WNK2: variants seen among roughly 807,000 people sequenced by gnomAD.
WNK2 encodes the protein serine/threonine-protein kinase WNK2.
A neutral mutation model predicts 192.1 loss-of-function variants in WNK2; 67 were observed. That is an observed-to-expected ratio of 0.35 (90% CI 0.29 to 0.43). The LOEUF (loss-of-function observed/expected upper bound fraction) is 0.43, where lower values mean the gene tolerates loss of function less well. WNK2 is among the 20% of genes least tolerant of loss of function. The probability of loss-of-function intolerance (pLI) is 1.00; values close to 1 mark genes in which losing one functional copy is unlikely to be tolerated. For missense variants in WNK2, 2,698 were observed against 3,089.7 expected (o/e 0.87, Z 3.01); for synonymous variants, 1,439 against 1,393.9 (o/e 1.03, Z -0.72).
chr9:93,230,520 C>T (rs12348559), intron 3 of WNK2, among the ~76,000 whole-genome samples: 33,392 of 152,180 alleles, frequency 0.22, 4,138 homozygotes, highest in African/African-American at 0.34. Context: ...CCTGGCCTTT[C>T]GTAACCCTCA....
rs1240023447 is a variant in WNK2, at chr9:93,254,666, A to G, written c.2034+1584A>G. ...AATACAATTTTAAACAGCAGAACTC[A>G]TTTAAGGAAAGGCGAGGCTGAACGT... On this transcript the variant is annotated intron_variant, in intron 9 of 29. Coordinates refer to ENST00000427277, the MANE Select transcript of WNK2 (RefSeq NM_006648.4). Among the ~76,000 whole-genome samples, 13 of 152,342 alleles carry G rather than the reference A, an allele frequency of 8.5e-5. No individual in the cohort carries two copies. In the East Asian group the frequency reaches 2.3e-3, roughly 27 times the overall value.
chr9:93,288,896 C>A lies in WNK2; in HGVS notation c.4142C>A (p.Pro1381Gln), dbSNP rs1330098204. The A allele has an allele frequency of 1.2e-6, 2 of 1,609,214 alleles. No individual in the cohort carries two copies. Among genetic ancestry groups the A allele is most frequent in the Admixed American group, 1.7e-5 (1 of 59,600 alleles). The change falls in exon 20 of 30, where the codon CCA (proline) becomes CAA (glutamine). Residue 1381 changes from proline (P) to glutamine (Q), a missense_variant. By Grantham distance (76) the Pro-to-Gln change is moderately conservative. Around this residue, in one of 7 missense-constraint regions of WNK2, gnomAD observed 1,098 missense variants for 1,101.0 expected, o/e 1.00. Coordinates refer to ENST00000427277, the MANE Select transcript of WNK2 (RefSeq NM_006648.4). Reference sequence around the variant, plus strand: ...CCCAGCAACCCTCCTGGGGCACCCCCAGCCCCTTTGGCCCCCTCCTCCCCT... The same window carrying A: ...CCCAGCAACCCTCCTGGGGCACCCCAAGCCCCTTTGGCCCCCTCCTCCCCT... Reference protein sequence around the residue: ...AGPSNPPGAPPAPLAPSSPPV... With the variant: ...AGPSNPPGAPQAPLAPSSPPV...
chr9:93,301,691 T>G (rs1851641227), intron 26 of WNK2, among the ~76,000 whole-genome samples: 1 of 152,196 alleles, frequency 6.6e-6, no homozygotes, highest in South Asian at 2.1e-4. Flanking sequence ...GCTGCTCCTC[T>G]TCCGGCTCCT....
chr9:93,295,138 C>A (rs1850023560), intron 23 of WNK2, among the ~76,000 whole-genome samples: 1 of 152,210 alleles, frequency 6.6e-6, no homozygotes, highest in Non-Finnish European at 1.5e-5. Context: ...GGTGAGCAGC[C>A]CAGGGGCAGC....
In WNK2 at chr9:93,257,390, C is replaced by T. The variant is rs1161691190; in HGVS notation, c.2382+251C>T. Among the ~76,000 whole-genome samples, 1 of 151,978 alleles carries T rather than the reference C, an allele frequency of 6.6e-6. No individual in the cohort carries two copies. Among genetic ancestry groups the T allele is most frequent in the Non-Finnish European group, 1.5e-5 (1 of 67,958 alleles). On this transcript the variant is annotated intron_variant, in intron 11 of 29. Transcript: ENST00000427277. The surrounding 1 kb of genome is among the most constrained non-coding windows in gnomAD (Gnocchi z 4.7). ...TTGGTGGCTGGCTTGGCTGCTGTCT[C>T]CTGCCCTCCAGCCTCACCTTCTCTA...
chr9:93,187,568 T>C (rs1198559069), intron 2 of WNK2, among the ~76,000 whole-genome samples: 1 of 152,196 alleles, frequency 6.6e-6, no homozygotes, highest in Non-Finnish European at 1.5e-5. Flanking sequence ...CTGCTTAGAA[T>C]AGCCCCCTTT....
chr9:93,295,049 T>C (rs1375836548), intron 23 of WNK2, among the ~76,000 whole-genome samples: 1 of 152,070 alleles, frequency 6.6e-6, no homozygotes, highest in Non-Finnish European at 1.5e-5. Context: ...GCCATGAGCG[T>C]TGGGGTTTCC....
chr9:93,288,683 C>A, intron 19 of WNK2, 105 bp from the exon 20 acceptor site: 1 of 1,183,694 alleles, frequency 8.4e-7, no homozygotes, highest in Non-Finnish European at 1.2e-6. Context: ...GACCAGCACG[C>A]TGGGGCCATG....
chr9:93,220,305 CTGAT>C (rs1197109645), intron 2 of WNK2, among the ~76,000 whole-genome samples: 1 of 152,178 alleles, frequency 6.6e-6, no homozygotes, highest in East Asian at 1.9e-4. Context: ...CCCCGTCTCT[CTGAT>C]TGGAATAGCT....
intron 7 of WNK2, among the ~76,000 whole-genome samples, chr9:93,243,022 G>A (rs541718724): frequency 1.3e-5 from 2 of 152,306 alleles, no homozygotes; most frequent in Admixed American, 6.5e-5. Context: ...GTGCTACAGC[G>A]ACGGCTGAGC....
intron 2 of WNK2, among the ~76,000 whole-genome samples, chr9:93,216,966 C>CTTT (rs201411351): frequency 1.3e-4 from 19 of 147,148 alleles, no homozygotes; most frequent in South Asian, 6.4e-4. Flanking sequence ...TCAAAAAAAT[C>CTTT]TTTTTTTTTT....
intron 3 of WNK2, among the ~76,000 whole-genome samples, chr9:93,230,213 G>A (rs570019234): frequency 4.6e-5 from 7 of 152,250 alleles, no homozygotes; most frequent in South Asian, 2.1e-4. Flanking sequence ...GGAGTGGGGA[G>A]TGGGGTGGCC....
intron 2 of WNK2, among the ~76,000 whole-genome samples, chr9:93,186,669 G>A (rs1829395420): frequency 6.6e-6 from 1 of 152,244 alleles, no homozygotes; most frequent in African/African-American, 2.4e-5. Context: ...TGACTCAGAA[G>A]TGGGATTCAA....
In WNK2 at chr9:93,289,638, C is replaced by T; in HGVS notation, c.4866+18C>T. The T allele has an allele frequency of 6.9e-7, 1 of 1,445,444 alleles. No individual in the cohort carries two copies. The allele number at this position is 1,445,444 out of a possible 1,614,324, so 89.5% of individuals were successfully genotyped here. On this transcript the variant is annotated intron_variant, in intron 20 of 29. Transcript: ENST00000427277. The stretch of plus-strand genomic sequence containing the variant: ...AGCCCTTGGTGAGTAGCTGCCTTGT[C>T]CCAGAGACACTGCCCTGGGTCAGGG...
Position 93,188,412 on chromosome 9 carries a change from T to C in WNK2, c.681+2802T>C, listed in dbSNP as rs114115016. On this transcript the variant is annotated intron_variant, in intron 2 of 29. Transcript: ENST00000427277. Reference sequence around the variant, plus strand: ...AAAGAACTCTGTAGAGAGGGTAATATTTATTTATCTCACATCGAAGGGCAG... The same window carrying C: ...AAAGAACTCTGTAGAGAGGGTAATACTTATTTATCTCACATCGAAGGGCAG... Among the ~76,000 whole-genome samples the C allele has an allele frequency of 2.3e-3, 353 of 152,344 alleles. 3 individuals are homozygous for C. The highest frequency in any genetic ancestry group is 8.3e-3 in the African/African-American group (343 of 41,570).
At chr9:93,298,781 A>G (rs1466515286) in intron 24 of WNK2, among the ~76,000 whole-genome samples, 3 of 152,212 alleles carry the variant, frequency 2.0e-5, no homozygotes, top group African/African-American at 7.2e-5. Flanking sequence ...AGCTAAGGGA[A>G]GACTGAGATG....
intron 2 of WNK2, among the ~76,000 whole-genome samples, chr9:93,223,487 T>G (rs1359068741): frequency 6.6e-6 from 1 of 152,164 alleles, no homozygotes; most frequent in Non-Finnish European, 1.5e-5. Flanking sequence ...TAGTTGCATA[T>G]TTATTGGTTT....
chr9:93,238,191 G>A (rs774142568), intron 5 of WNK2, 42 bp from the exon 6 acceptor site: 11 of 1,599,994 alleles, frequency 6.9e-6, no homozygotes, highest in Admixed American at 6.7e-5. Context: ...CTCGCCTTCC[G>A]GCAGCCGATC....
intron 18 of WNK2, 129 bp downstream of exon 18, chr9:93,268,194 C>T: frequency 4.0e-6 from 5 of 1,238,370 alleles, no homozygotes; most frequent in Non-Finnish European, 5.6e-6. Flanking sequence ...GGGCCCCAGT[C>T]TGGGGACAGC....
Sources: allele counts gnomAD v4.1 joint callset (sites outside exome capture counted in the v4.1 genomes callset), GRCh38; gene constraint gnomAD v4.1.1; regional missense constraint gnomAD v4.1.1; non-coding constraint Gnocchi (gnomAD v3.1); transcripts MANE v1.5; gene names NCBI Gene and HGNC (gene_info 2026-07-23, HGNC 2026-07-21).